The following KCNQ1 variants were observed in gnomAD, a reference collection of about 807,000 sequenced individuals.
KCNQ1 encodes the protein potassium voltage-gated channel subfamily KQT member 1.
KCNQ1 carries 49 observed loss-of-function variants against 72.4 expected under a neutral mutation model. The observed-to-expected ratio is 0.68, with a 90% CI of 0.54 to 0.86. KCNQ1 has a LOEUF of 0.86. KCNQ1 is among the 40% of genes least tolerant of loss of function. The pLI is 0.00. For synonymous variants in KCNQ1, 450 were observed against 412.6 expected (o/e 1.09, Z -1.10); for missense variants, 790 against 945.1 (o/e 0.84, Z 2.15).
At position 2,492,414 on chromosome 11, in the gene KCNQ1, A is replaced by C. The variant is rs539777024; in HGVS notation, c.387-35514A>C. Among the ~76,000 whole-genome samples, 73 of 152,288 alleles carry C rather than the reference A, an allele frequency of 4.8e-4. No individual in the cohort carries two copies. Among genetic ancestry groups the C allele is most frequent in the African/African-American group, 1.7e-3 (72 of 41,564 alleles). Reference sequence around the variant, plus strand: ...GAACGTGCAGGTTTGTTACATACGTATACAGTGCCATGGTGGTTTGCTGCA... The same window carrying C: ...GAACGTGCAGGTTTGTTACATACGTCTACAGTGCCATGGTGGTTTGCTGCA... On this transcript the variant is annotated intron_variant, in intron 1 of 15. Transcript: ENST00000155840. This position sits in a 1 kb window ranked among gnomAD's most constrained non-coding sequence, Gnocchi z 4.1.
intron 11 of KCNQ1, chr11:2,665,135 A>G (rs1850042419): frequency 7.5e-6 from 3 of 398,448 alleles, no homozygotes; most frequent in Non-Finnish European, 1.3e-5. Flanking sequence ...GGTGGGCCCT[A>G]CTGCTCAGCC....
Position 2,445,494 on chromosome 11 carries a change from G to C in KCNQ1, c.386+10G>C. The C allele has an allele frequency of 6.3e-7, 1 of 1,591,644 alleles. No homozygotes were observed. The highest frequency in any genetic ancestry group is 8.5e-7 in the Non-Finnish European group (1 of 1,177,232). ...TTTACCACTTCGCCGTGTGAGTATC[G>C]CCACCGGCGACGGCCGGCACGAAGG... is the stretch of plus-strand genomic sequence containing the variant. On this transcript the variant is annotated intron_variant, in intron 1 of 15. Transcript: ENST00000155840.
In KCNQ1 at chr11:2,734,576, G is replaced by C. The variant is rs558884440; in HGVS notation, c.1515-34268G>C. On this transcript the variant is annotated intron_variant, in intron 11 of 15. Transcript: ENST00000155840. The surrounding 1 kb of genome is among the most constrained non-coding windows in gnomAD (Gnocchi z 7.0). ...TGTCGAGGCTGATCTCAGGATGCTT[G>C]CTGCGGCTGCTGGGTGGGGGATAAC... 6.6e-6 allele frequency among the ~76,000 whole-genome samples: 1 copy of C among 152,224 alleles called. No homozygotes were observed. Among genetic ancestry groups the C allele is most frequent in the African/African-American group, 2.4e-5 (1 of 41,542 alleles).
In KCNQ1 at chr11:2,579,973, C is replaced by T. The variant is rs1387661129; in HGVS notation, c.922-3462C>T. Among the ~76,000 whole-genome samples, 5 of 152,216 alleles carry T rather than the reference C, an allele frequency of 3.3e-5. No homozygotes were observed. Among genetic ancestry groups the T allele is most frequent in the Admixed American group, 2.6e-4 (4 of 15,280 alleles). On this transcript the variant is annotated intron_variant, in intron 6 of 15. Transcript: ENST00000155840. This position sits in a 1 kb window ranked among gnomAD's most constrained non-coding sequence, Gnocchi z 6.0. ...GGCCAGCCCCACTCCATTCCACCTT[C>T]ATCATGCAGTTTCTGTATTAGATTT...
chr11:2,732,746 C>T (rs1017543662), intron 11 of KCNQ1, among the ~76,000 whole-genome samples: 2 of 152,208 alleles, frequency 1.3e-5, no homozygotes, highest in Admixed American at 6.5e-5. Flanking sequence ...CCTGGCTTCC[C>T]TTGAACAAAC....
intron 6 of KCNQ1, among the ~76,000 whole-genome samples, chr11:2,582,727 G>A (rs1848519331): frequency 6.6e-6 from 1 of 152,198 alleles, no homozygotes; most frequent in Admixed American, 6.5e-5. Flanking sequence ...GCCAGCTCCT[G>A]AAGAACCCAG....
In KCNQ1 at chr11:2,678,958, A is replaced by G; in HGVS notation, c.1514+16877A>G. The stretch of plus-strand genomic sequence containing the variant: ...ACTGAATTTGCTAACTCAATAGAGA[A>G]CAAAAGAGCAAATAGGCCTAATTCA... On this transcript the variant is annotated intron_variant, in intron 11 of 15. Transcript: ENST00000155840. The surrounding 1 kb of genome is among the most constrained non-coding windows in gnomAD (Gnocchi z 4.9). 1 of 398,654 alleles carries G rather than the reference A, an allele frequency of 2.5e-6. No homozygotes were observed. Among genetic ancestry groups the G allele is most frequent in the East Asian group, 3.6e-5 (1 of 28,088 alleles). The allele number at this position is 398,654 out of a possible 1,614,324, so 24.7% of individuals were successfully genotyped here.
rs1348230493 is a variant in KCNQ1, at chr11:2,486,499, G to A, written c.386+41015G>A. On this transcript the variant is annotated intron_variant, in intron 1 of 15. Transcript: ENST00000155840. This position sits in a 1 kb window ranked among gnomAD's most constrained non-coding sequence, Gnocchi z 5.0. ...TTGTACAAAAATTTTTAATGTTCAC[G>A]AAGTCCAAGTTGTCTACTTTTTGTT... 3.9e-5 allele frequency among the ~76,000 whole-genome samples: 6 copies of A among 152,082 alleles called. No individual in the cohort carries two copies. The East Asian group carries it at 5.8e-4, about 15-fold the overall frequency.
intron 10 of KCNQ1, chr11:2,634,598 G>C (rs1404528102): frequency 6.6e-6 from 1 of 152,132 alleles, no homozygotes; most frequent in African/African-American, 2.4e-5. Flanking sequence ...ATTTGGGTTG[G>C]TTCCAAGTCT....
intron 1 of KCNQ1, among the ~76,000 whole-genome samples, chr11:2,485,156 T>C (rs967815756): frequency 2.6e-5 from 4 of 152,248 alleles, no homozygotes; most frequent in African/African-American, 7.2e-5. Context: ...GATTATGTCA[T>C]TCATCTGTGA....
chr11:2,575,957 C>T (rs1181559839), intron 6 of KCNQ1, among the ~76,000 whole-genome samples: 2 of 152,232 alleles, frequency 1.3e-5, no homozygotes, highest in African/African-American at 4.8e-5. Context: ...CCTCTCCTCT[C>T]CCCGTGGCTG....
rs74048684 is a variant in KCNQ1, at chr11:2,562,764, A to G, written c.478-7864A>G. 0.034 allele frequency among the ~76,000 whole-genome samples: 5,173 copies of G among 152,186 alleles called. 292 individuals are homozygous for G. The highest frequency in any genetic ancestry group is 0.12 in the African/African-American group (4,843 of 41,512). ...GTGGAAGGTCCCCAGGCCTAAGTCTATGGGGGCGCCAGGGAGGCCGGCTGT... is the reference window on the plus strand; with the variant it reads ...GTGGAAGGTCCCCAGGCCTAAGTCTGTGGGGGCGCCAGGGAGGCCGGCTGT... On this transcript the variant is annotated intron_variant, in intron 2 of 15. Coordinates refer to ENST00000155840, the MANE Select transcript of KCNQ1 (RefSeq NM_000218.3). This position sits in a 1 kb window ranked among gnomAD's most constrained non-coding sequence, Gnocchi z 7.5.
At chr11:2,539,678 G>A (rs776832032) in intron 2 of KCNQ1, among the ~76,000 whole-genome samples, 1 of 152,196 alleles carries the variant, frequency 6.6e-6, no homozygotes, top group East Asian at 1.9e-4. Flanking sequence ...TTTCTCTCCC[G>A]CCTTCCCCAT....
chr11:2,670,118 C>T lies in KCNQ1; in HGVS notation c.1514+8037C>T, dbSNP rs1850154205. 5.0e-6 allele frequency: 2 copies of T among 398,694 alleles called. No homozygotes were observed. Among genetic ancestry groups the T allele is most frequent in the Admixed American group, 4.4e-5 (1 of 22,744 alleles). 24.7% of individuals were successfully genotyped at this position (398,694 alleles called of 1,614,324 possible). A position where few individuals can be genotyped will look rare whatever the true frequency, so the allele number is the denominator to read the frequency against. On this transcript the variant is annotated intron_variant, in intron 11 of 15. Coordinates refer to ENST00000155840, the MANE Select transcript of KCNQ1 (RefSeq NM_000218.3). The surrounding 1 kb of genome is among the most constrained non-coding windows in gnomAD (Gnocchi z 4.9). ...TGTGTCTCATGGCAGTCACAGGTGC[C>T]CCAGTATGCATCTGTCATTTGTTCT...
chr11:2,465,028 C>A (rs566816065), intron 1 of KCNQ1, among the ~76,000 whole-genome samples: 1 of 152,360 alleles, frequency 6.6e-6, no homozygotes, highest in South Asian at 2.1e-4. Context: ...TTCCTTTCCC[C>A]CATCTGTAAA....
At chr11:2,445,763 G>T (rs376907750) in intron 1 of KCNQ1, among the ~76,000 whole-genome samples, 1 of 152,190 alleles carries the variant, frequency 6.6e-6, no homozygotes, top group Non-Finnish European at 1.5e-5. Context: ...CCACACCTCC[G>T]GGAGGGTAGT....
chr11:2,525,633 C>T (rs540060907), intron 1 of KCNQ1, among the ~76,000 whole-genome samples: 3 of 152,286 alleles, frequency 2.0e-5, no homozygotes, highest in South Asian at 2.1e-4. Flanking sequence ...TTTGGGCAGG[C>T]GGGAGTCAGG....
rs1230010415 is a variant in KCNQ1 at position 2,488,308 on chromosome 11, TG to T, written c.387-39618del. Among the ~76,000 whole-genome samples, 4 of 152,226 alleles carry T rather than the reference TG, an allele frequency of 2.6e-5. No individual in the cohort carries two copies. Among genetic ancestry groups the T allele is most frequent in the African/African-American group, 9.6e-5 (4 of 41,458 alleles). ...TTGCATCAGTTTTCATAAGGGATAT[TG>T]GTCTGTAGTTTTCTTGTAGTCTTTG... On this transcript the variant is annotated intron_variant, in intron 1 of 15. Transcript: ENST00000155840. The surrounding 1 kb of genome is among the most constrained non-coding windows in gnomAD (Gnocchi z 5.1).
chr11:2,713,663 C>T lies in KCNQ1; in HGVS notation c.1514+51582C>T, dbSNP rs1007154924. ...GCCCCTGTTCTGGAGGCCACAGCCACAGGCTCTGCGGGCCTCTGGCCGAGC... is the reference window on the plus strand; with the variant it reads ...GCCCCTGTTCTGGAGGCCACAGCCATAGGCTCTGCGGGCCTCTGGCCGAGC... On this transcript the variant is annotated intron_variant, in intron 11 of 15. Transcript: ENST00000155840. The surrounding 1 kb of genome is among the most constrained non-coding windows in gnomAD (Gnocchi z 5.6). 6.6e-6 allele frequency among the ~76,000 whole-genome samples: 1 copy of T among 152,216 alleles called. No homozygotes were observed. The highest frequency in any genetic ancestry group is 1.5e-5 in the Non-Finnish European group (1 of 68,040).
Sources: gnomAD v4.1 joint callset for allele counts (sites outside exome capture counted in the v4.1 genomes callset) on GRCh38, gnomAD v4.1.1 for gene constraint, Gnocchi (gnomAD v3.1) non-coding constraint, MANE v1.5 for transcripts, NCBI Gene and HGNC (gene_info 2026-07-23, HGNC 2026-07-21) for gene names.